DACH2: variants seen among roughly 807,000 people sequenced by gnomAD.
DACH2 encodes dachshund family transcription factor 2, also known as dachshund homolog 2.
In DACH2, 17 loss-of-function variants were observed where a neutral mutation model predicts 35.8. The observed-to-expected ratio is 0.48, with a 90% CI of 0.33 to 0.71. The LOEUF (loss-of-function observed/expected upper bound fraction) is 0.71. DACH2 is among the 30% of genes least tolerant of loss of function. DACH2 has a pLI of 0.02. For missense variants in DACH2, 469 were observed against 472.7 expected, an observed-to-expected ratio of 0.99 and a Z score of 0.07; for synonymous variants, 195 against 177.3, an observed-to-expected ratio of 1.10 and a Z score of -0.79.
At chrX:86,706,487 TAA>T (rs1025320370) in intron 5 of DACH2, among the ~76,000 whole-genome samples, 5 of 110,841 alleles carry the variant, frequency 4.5e-5, no homozygotes, top group Non-Finnish European at 7.6e-5. Flanking sequence ...TAAAAAACAT[TAA>T]GAGTTTTAAT....
At chrX:86,599,886 T>C (rs1490038167) in intron 3 of DACH2, among the ~76,000 whole-genome samples, 2 of 111,224 alleles carry the variant, frequency 1.8e-5, no homozygotes, top group Non-Finnish European at 3.8e-5. Context: ...ATGGGCCCCA[T>C]TGCTCTTGGC....
intron 10 of DACH2, 148 bp downstream of exon 10, chrX:86,814,982 A>G: frequency 1.6e-6 from 1 of 635,720 alleles, no homozygotes; most frequent in Non-Finnish European, 2.3e-6. Flanking sequence ...GAATGATTAA[A>G]AAATCAATTT....
intron 5 of DACH2, among the ~76,000 whole-genome samples, chrX:86,712,468 G>T (rs2041289909): frequency 9.1e-6 from 1 of 110,258 alleles, no homozygotes; most frequent in South Asian, 3.8e-4. Context: ...AGTGTTTGAG[G>T]TAATGGATAT....
In DACH2 at chrX:86,495,492, T is replaced by G. The variant is rs780775712; in HGVS notation, c.528-18787T>G. On this transcript the variant is annotated intron_variant, in intron 2 of 11. Coordinates refer to ENST00000373125, the MANE Select transcript of DACH2 (RefSeq NM_053281.3). Reference sequence around the variant, plus strand: ...GTTACTTTATTGGTCAGCAAAGCTATGGACTCATACAGACAAATAAGAATT... The same window carrying G: ...GTTACTTTATTGGTCAGCAAAGCTAGGGACTCATACAGACAAATAAGAATT... Among the ~76,000 whole-genome samples the G allele has an allele frequency of 2.7e-5, 3 of 110,648 alleles. No homozygotes were observed. In the East Asian group the frequency reaches 8.6e-4, roughly 32 times the overall value.
intron 7 of DACH2, among the ~76,000 whole-genome samples, chrX:86,760,839 G>T: frequency 9.2e-6 from 1 of 108,479 alleles, no homozygotes; most frequent in African/African-American, 3.4e-5. Context: ...TGGTGTGAAA[G>T]TTGTTTCTTC....
chrX:86,400,434 C>T (rs1427790766), intron 2 of DACH2, among the ~76,000 whole-genome samples: 1 of 111,807 alleles, frequency 8.9e-6, no homozygotes, highest in South Asian at 3.7e-4. Flanking sequence ...AGCTGCGTTC[C>T]TTTGGAGGAG....
At chrX:86,559,959 A>G (rs2039184325) in intron 3 of DACH2, among the ~76,000 whole-genome samples, 1 of 59,422 alleles carries the variant, frequency 1.7e-5, no homozygotes, top group Admixed American at 1.5e-4. Context: ...TAATATTGTT[A>G]TGTGTGAATT....
chrX:86,222,661 C>T (rs2032738752), intron 1 of DACH2, among the ~76,000 whole-genome samples: 1 of 110,541 alleles, frequency 9.0e-6, no homozygotes, highest in Non-Finnish European at 1.9e-5. Flanking sequence ...GTTGGGGACC[C>T]TCAAAAGGCA....
At chrX:86,754,026 G>A (rs1019553863) in intron 7 of DACH2, among the ~76,000 whole-genome samples, 2 of 110,611 alleles carry the variant, frequency 1.8e-5, no homozygotes, top group African/African-American at 3.3e-5. Flanking sequence ...ATTTAGATCC[G>A]TAACTATTCA....
At chrX:86,795,264 C>T (rs1296770945) in intron 7 of DACH2, among the ~76,000 whole-genome samples, 3 of 92,604 alleles carry the variant, frequency 3.2e-5, no homozygotes, top group Non-Finnish European at 6.3e-5. Context: ...ACAGAATCTT[C>T]GCTCTGTCAC....
chrX:86,754,242 A>C (rs140416204), intron 7 of DACH2, among the ~76,000 whole-genome samples: 7,446 of 111,335 alleles, frequency 0.067, 590 homozygotes, highest in African/African-American at 0.23. Context: ...TAAAGAAAGA[A>C]GTACTGAACT....
chrX:86,224,169 T>TC (rs1345770416), intron 1 of DACH2, among the ~76,000 whole-genome samples: 1 of 111,811 alleles, frequency 8.9e-6, no homozygotes, highest in African/African-American at 3.2e-5. Context: ...GCTTTTTTTT[T>TC]CACTTGGAAA....
intron 1 of DACH2, among the ~76,000 whole-genome samples, chrX:86,334,706 G>C (rs2035272416): frequency 9.0e-6 from 1 of 111,719 alleles, no homozygotes; most frequent in Non-Finnish European, 1.9e-5. Context: ...CATTCTGTAG[G>C]TTGCCTGTTC....
intron 1 of DACH2, among the ~76,000 whole-genome samples, chrX:86,288,030 T>C (rs967200347): frequency 8.9e-5 from 10 of 111,822 alleles, no homozygotes; most frequent in Non-Finnish European, 1.9e-4. Flanking sequence ...CCTATCCTTC[T>C]TGTGATGGCT....
intron 7 of DACH2, among the ~76,000 whole-genome samples, chrX:86,777,342 G>A (rs771405194): frequency 9.2e-4 from 103 of 111,397 alleles, no homozygotes; most frequent in African/African-American, 3.1e-3. Flanking sequence ...GGTCAGTGAT[G>A]ATGAGCATTT....
intron 7 of DACH2, among the ~76,000 whole-genome samples, chrX:86,781,644 A>G (rs1167266957): frequency 9.0e-6 from 1 of 111,376 alleles, no homozygotes; most frequent in Non-Finnish European, 1.9e-5. Flanking sequence ...TGGTACCAAA[A>G]TCTGTACTAG....
intron 1 of DACH2, among the ~76,000 whole-genome samples, chrX:86,247,093 A>G (rs939764023): frequency 3.6e-5 from 4 of 112,086 alleles, no homozygotes; most frequent in African/African-American, 1.3e-4. Flanking sequence ...GGCATTATAT[A>G]ATGGTAAGGT....
At chrX:86,298,592 G>T (rs898634941) in intron 1 of DACH2, among the ~76,000 whole-genome samples, 3 of 111,650 alleles carry the variant, frequency 2.7e-5, no homozygotes, top group Non-Finnish European at 5.7e-5. Context: ...ATAGCCACAA[G>T]GAGTAGTACT....
At chrX:86,213,372 T>C (rs1478402280) in intron 1 of DACH2, among the ~76,000 whole-genome samples, 2 of 111,645 alleles carry the variant, frequency 1.8e-5, no homozygotes, top group Non-Finnish European at 3.8e-5. Context: ...GTTTTTGTAA[T>C]TATTTTCTAA....
Sources: allele counts gnomAD v4.1 joint callset (sites outside exome capture counted in the v4.1 genomes callset), GRCh38; gene constraint gnomAD v4.1.1; transcripts MANE v1.5; gene names NCBI Gene and HGNC (gene_info 2026-07-23, HGNC 2026-07-21).